Variants in PTPRJ observed in about 807,000 individuals in gnomAD.
The protein encoded by PTPRJ is protein tyrosine phosphatase receptor type J.
PTPRJ carries 129 observed loss-of-function variants against 141.3 expected under a neutral mutation model. The observed-to-expected ratio is 0.91, with a 90% confidence interval of 0.79 to 1.06. The LOEUF is 1.06. Among genes scored for constraint, PTPRJ ranks in the 50% least tolerant of loss-of-function variants. The pLI, the probability that PTPRJ is intolerant of heterozygous loss-of-function variation, is 0.00. For synonymous variants in PTPRJ, 610 were observed against 640.5 expected, an observed-to-expected ratio of 0.95 and a Z score of 0.72; for missense variants, 1,601 against 1,679.7, an observed-to-expected ratio of 0.95 and a Z score of 0.82.
At chr11:48,112,453 C>T (rs895140562) in intron 2 of PTPRJ, among the ~76,000 whole-genome samples, 2 of 152,236 alleles carry the variant, frequency 1.3e-5, no homozygotes, top group Non-Finnish European at 2.9e-5. Context: ...GGTTCTCCTT[C>T]AGTGCCTGAG....
At position 48,130,616 on chromosome 11, in the gene PTPRJ, C is replaced by A. The variant is rs774824066; in HGVS notation, c.1515C>A (p.Ile505=). 64 of 1,613,898 alleles carry A rather than the reference C, an allele frequency of 4.0e-5. No individual in the cohort carries two copies. The highest frequency in any genetic ancestry group is 5.2e-5 in the Non-Finnish European group (61 of 1,179,974). ...RVEITTNQSI[I]IGGLFPGTKY... ...AAATAACCACCAACCAAAGTATTAT[C>A]ATTGGTGGCTTGTTCCCTGGAACCA... is the stretch of plus-strand genomic sequence containing the variant. Residue 505 remains isoleucine, a synonymous_variant, in exon 8 of 25, where the codon ATC becomes ATA. Coordinates refer to ENST00000418331, the MANE Select transcript of PTPRJ (RefSeq NM_002843.4).
intron 9 of PTPRJ, 68 bp downstream of exon 9, chr11:48,136,364 A>G: frequency 6.5e-7 from 1 of 1,548,624 alleles, no homozygotes; most frequent in Non-Finnish European, 8.7e-7. Flanking sequence ...GGCACTGGTT[A>G]AATGATGGCC....
chr11:48,127,914 T>A lies in PTPRJ; in HGVS notation c.1228T>A (p.Ser410Thr), dbSNP rs959727664. ...ACATGTGGCGGGGGAGACAGATTCT[T>A]CCAATCTCAACGTCAGTGAGCCTCG... ...KIHVAGETDS[S>T]NLNVSEPRAV... is the part of the protein sequence containing the mutation. Residue 410 changes from serine to threonine, a missense_variant, in exon 7 of 25, where the codon TCC (serine) becomes ACC (threonine). Ser to Thr is a moderately conservative substitution (Grantham distance 58). Coordinates refer to ENST00000418331, the MANE Select transcript of PTPRJ (RefSeq NM_002843.4). 6.2e-7 allele frequency: 1 copy of A among 1,614,160 alleles called. No homozygotes were observed. Among genetic ancestry groups the A allele is most frequent in the Non-Finnish European group, 8.5e-7 (1 of 1,180,010 alleles).
intron 1 of PTPRJ, among the ~76,000 whole-genome samples, chr11:47,984,350 GT>G (rs1853991466): frequency 6.6e-6 from 1 of 152,150 alleles, no homozygotes; most frequent in Admixed American, 6.5e-5. Flanking sequence ...TTACTTCTCA[GT>G]TCATTCACTT....
chr11:48,095,505 AG>A (rs1217953087), intron 1 of PTPRJ, among the ~76,000 whole-genome samples: 2 of 152,140 alleles, frequency 1.3e-5, no homozygotes, highest in African/African-American at 4.8e-5. Context: ...TTTTGTTCAA[AG>A]CCAAATGTTG....
intron 1 of PTPRJ, among the ~76,000 whole-genome samples, chr11:48,013,372 C>T (rs890610917): frequency 1.3e-5 from 2 of 152,158 alleles, no homozygotes; most frequent in African/African-American, 4.8e-5. Flanking sequence ...AGTGGTCTAT[C>T]AGAACCCAGT....
At chr11:48,069,445 A>ATTTTTTTTTTT (rs35405916) in intron 1 of PTPRJ, among the ~76,000 whole-genome samples, 1 of 121,322 alleles carries the variant, frequency 8.2e-6, no homozygotes, top group Non-Finnish European at 1.7e-5. Context: ...TACATTGATA[A>ATTTTTTTTTTT]TTTTTTTTTT....
At chr11:48,060,106 A>G (rs1854878203) in intron 1 of PTPRJ, among the ~76,000 whole-genome samples, 1 of 152,154 alleles carries the variant, frequency 6.6e-6, no homozygotes, top group Non-Finnish European at 1.5e-5. Flanking sequence ...GATTAACTGT[A>G]ATACATCACA....
intron 1 of PTPRJ, among the ~76,000 whole-genome samples, chr11:48,051,567 C>A (rs968809614): frequency 6.6e-6 from 1 of 152,182 alleles, no homozygotes; most frequent in African/African-American, 2.4e-5. Flanking sequence ...CTCATCTGGA[C>A]ATCAGAATCA....
intron 11 of PTPRJ, among the ~76,000 whole-genome samples, chr11:48,141,739 G>T (rs1002614917): frequency 6.6e-6 from 1 of 152,154 alleles, no homozygotes; most frequent in Admixed American, 6.5e-5. Flanking sequence ...ATATGGGACT[G>T]GGGGAGAGGA....
At chr11:48,081,257 C>T (rs1407114127) in intron 1 of PTPRJ, among the ~76,000 whole-genome samples, 1 of 152,214 alleles carries the variant, frequency 6.6e-6, no homozygotes, top group Non-Finnish European at 1.5e-5. Context: ...CTCCTGCCGG[C>T]GACAGGTCCG....
intron 3 of PTPRJ, among the ~76,000 whole-genome samples, chr11:48,120,090 C>A (rs369297992): frequency 7.2e-5 from 11 of 152,176 alleles, no homozygotes; most frequent in East Asian, 3.9e-4. Flanking sequence ...ATGTCCAAAT[C>A]TTGTCCCTTG....
intron 1 of PTPRJ, among the ~76,000 whole-genome samples, chr11:48,000,855 T>C (rs1056903707): frequency 1.3e-5 from 2 of 152,094 alleles, no homozygotes; most frequent in African/African-American, 4.8e-5. Flanking sequence ...GATTTCCTTA[T>C]GTGTAGGACA....
intron 1 of PTPRJ, among the ~76,000 whole-genome samples, chr11:48,106,763 CTTTTTTTTTTTTTT>C (rs35643138): frequency 1.2e-5 from 1 of 86,452 alleles, no homozygotes; most frequent in Non-Finnish European, 2.3e-5. Flanking sequence ...TTCTTTCTTT[CTTTTTTTTTTTTTT>C]TTTTTTTTTA....
chr11:47,981,003 G>A lies in PTPRJ; in HGVS notation c.91G>A (p.Gly31Ser). Reference protein sequence around the residue: ...LPLLLLLLRLGQILCAGGTPS... With the variant: ...LPLLLLLLRLSQILCAGGTPS... ...GCTGCTGCTGCTGCTGCTGCGCCTG[G>A]GCCAGGTAAGCGCCGGGTGGGCTCG... Residue 31 changes from glycine (G) to serine (S), a missense_variant, in exon 1 of 25, where the codon GGC becomes AGC. Gly to Ser is a moderately conservative substitution (Grantham distance 56, BLOSUM62 0). Transcript: ENST00000418331. The A allele has an allele frequency of 4.1e-6, 5 of 1,214,538 alleles. No individual in the cohort carries two copies. Among genetic ancestry groups the A allele is most frequent in the Non-Finnish European group, 5.1e-6 (5 of 977,016 alleles). The allele number at this position is 1,214,538 out of a possible 1,614,324, so 75.2% of individuals were successfully genotyped here. A position where few individuals can be genotyped will look rare whatever the true frequency, so the allele number is the denominator to read the frequency against.
chr11:48,022,335 A>C (rs1855149031), intron 1 of PTPRJ, among the ~76,000 whole-genome samples: 1 of 151,966 alleles, frequency 6.6e-6, no homozygotes, highest in Admixed American at 6.6e-5. Context: ...CTGGTGGTGC[A>C]TGCCTGTAAT....
intron 5 of PTPRJ, 148 bp from the exon 6 acceptor site, chr11:48,124,820 C>G (rs1398082378): frequency 8.1e-6 from 6 of 741,026 alleles, no homozygotes; most frequent in Admixed American, 4.1e-5. Flanking sequence ...CTGCCTCTCT[C>G]TCTGGAGGAG....
chr11:48,123,582 T>A (rs781213833), intron 4 of PTPRJ, 31 bp from the exon 5 acceptor site: 1 of 1,601,184 alleles, frequency 6.2e-7, no homozygotes, highest in South Asian at 1.1e-5. Context: ...TATATCTTGT[T>A]CCATTAATGC....
chr11:48,124,680 G>T (rs114258702), intron 5 of PTPRJ, among the ~76,000 whole-genome samples: 119 of 152,316 alleles, frequency 7.8e-4, no homozygotes, highest in African/African-American at 2.8e-3. Context: ...TGGGACAGGA[G>T]AAGATAACAA....
Sources: allele counts gnomAD v4.1 joint callset (sites outside exome capture counted in the v4.1 genomes callset), GRCh38; gene constraint gnomAD v4.1.1; transcripts MANE v1.5; gene names NCBI Gene and HGNC (gene_info 2026-07-23, HGNC 2026-07-21).